The following MCF2L2 variants were observed in gnomAD, a reference collection of about 807,000 sequenced individuals.
The protein encoded by MCF2L2 is probable guanine nucleotide exchange factor MCF2L2.
MCF2L2 carries 102 observed loss-of-function variants against 150.2 expected under a neutral mutation model. The ratio of observed to expected loss-of-function variants is 0.68; its 90% CI spans 0.58 to 0.80. MCF2L2 has a LOEUF of 0.80. Ranked by LOEUF, MCF2L2 falls within the 30% of genes least tolerant of loss-of-function variation. MCF2L2 has a pLI of 0.00. For synonymous variants in MCF2L2, 465 were observed against 491.3 expected (o/e 0.95, Z 0.71); for missense variants, 1,256 against 1,372.8 (o/e 0.91, Z 1.34).
chr3:183,412,481 T>C (rs1715365113), intron 1 of MCF2L2, among the ~76,000 whole-genome samples: 1 of 152,122 alleles, frequency 6.6e-6, no homozygotes. Flanking sequence ...GTATTTTTAG[T>C]AGAGGCGGGG....
At chr3:183,278,283 T>TG (rs758601375) in intron 14 of MCF2L2, among the ~76,000 whole-genome samples, 17 of 138,528 alleles carry the variant, frequency 1.2e-4, no homozygotes, top group African/African-American at 4.9e-4. Flanking sequence ...AATGAAAAAA[T>TG]TGTGTGTGTG....
intron 14 of MCF2L2, among the ~76,000 whole-genome samples, chr3:183,278,983 T>A (rs187370848): frequency 6.6e-6 from 1 of 152,184 alleles, no homozygotes; most frequent in Non-Finnish European, 1.5e-5. Context: ...GCAAGTCTAA[T>A]GGAATATAAC....
chr3:183,207,836 C>T lies in MCF2L2; in HGVS notation c.2497-13G>A, dbSNP rs768048410. ...TTCCAATATCGTCCTTTTGGAAACA[C>T]ACATACAGGAAAAGAAGCTGTAAAA... On this transcript the variant is annotated splice_polypyrimidine_tract_variant and intron_variant, in intron 22 of 29. Transcript: ENST00000328913. The T allele has an allele frequency of 3.3e-5, 52 of 1,597,212 alleles. No individual in the cohort carries two copies. The highest frequency in any genetic ancestry group is 4.4e-5 in the Non-Finnish European group (51 of 1,166,868).
At position 183,216,553 on chromosome 3, in the gene MCF2L2, TA is replaced by T. The variant is rs1722927201; in HGVS notation, c.2371-460del. Among the ~76,000 whole-genome samples the T allele has an allele frequency of 3.9e-3, 14 of 3,590 alleles. 1 individual carries two copies. The highest frequency in any genetic ancestry group is 0.011 in the African/African-American group (14 of 1,286). The allele number at this position is 3,590 out of a possible 152,430, so 2.4% of individuals were successfully genotyped here. A position where few individuals can be genotyped will look rare whatever the true frequency, so the allele number is the denominator to read the frequency against. ...TTATATAAAATATAAGTATATATAT[TA>T]TATATATATATATATATATATATAT... is the stretch of plus-strand genomic sequence containing the variant. On this transcript the variant is annotated intron_variant, in intron 21 of 29. Transcript: ENST00000328913.
intron 10 of MCF2L2, among the ~76,000 whole-genome samples, chr3:183,303,854 CTCTTGAGCAATGCACACGG>C (rs1333457665): frequency 5.9e-5 from 9 of 152,168 alleles, no homozygotes. Context: ...CAAGCTTAAA[CTCTTGAGCAATGCACACGG>C]GGAATTTCAT....
chr3:183,299,469 C>T (rs1259623683), intron 11 of MCF2L2: 1 of 153,328 alleles, frequency 6.5e-6, no homozygotes, highest in Admixed American at 6.5e-5. Context: ...TCAGTTTCTG[C>T]CTCTGCACAA....
Position 183,179,319 on chromosome 3 carries a change from A to T in MCF2L2, c.*61T>A. The T allele has an allele frequency of 7.2e-7, 1 of 1,382,312 alleles. No individual in the cohort carries two copies. The highest frequency in any genetic ancestry group is 9.3e-7 in the Non-Finnish European group (1 of 1,072,448). The allele number at this position is 1,382,312 out of a possible 1,614,324, so 85.6% of individuals were successfully genotyped here. A position where few individuals can be genotyped will look rare whatever the true frequency, so the allele number is the denominator to read the frequency against. ...AGCTGGGCAGGGCCCGGGCCCCCACACCGCCTCTCCCGGGAATGCGGGCGC... is the reference window on the plus strand; with the variant it reads ...AGCTGGGCAGGGCCCGGGCCCCCACTCCGCCTCTCCCGGGAATGCGGGCGC... On this transcript the variant is annotated 3_prime_UTR_variant, in exon 30 of 30. Transcript: ENST00000328913. This position sits in a 1 kb window ranked among gnomAD's most constrained non-coding sequence, Gnocchi z 4.2.
intron 1 of MCF2L2, among the ~76,000 whole-genome samples, chr3:183,421,943 G>T (rs1031354633): frequency 2.6e-5 from 4 of 152,166 alleles, no homozygotes; most frequent in Non-Finnish European, 5.9e-5. Flanking sequence ...GGGTTTAACA[G>T]AGTTGTACTG....
chr3:183,196,194 ATAACACCT>A (rs1722077689), intron 25 of MCF2L2, among the ~76,000 whole-genome samples: 1 of 152,088 alleles, frequency 6.6e-6, no homozygotes, highest in Non-Finnish European at 1.5e-5. Flanking sequence ...AGCTGACTCC[ATAACACCT>A]GGATACAATG....
intron 3 of MCF2L2, chr3:183,377,059 T>A (rs997694769): frequency 6.6e-6 from 1 of 152,224 alleles, no homozygotes; most frequent in African/African-American, 2.4e-5. Flanking sequence ...AGTTTTGGGA[T>A]ACATGTACAG....
chr3:183,373,686 G>T (rs2089588), intron 3 of MCF2L2: 48,201 of 151,968 alleles, frequency 0.32, 11,722 homozygotes, highest in African/African-American at 0.68. Flanking sequence ...GTTTCACCCC[G>T]AGAAATCCTG....
chr3:183,428,042 G>T lies in MCF2L2; in HGVS notation c.-65C>A. On this transcript the variant is annotated 5_prime_UTR_variant, in exon 1 of 30. Transcript: ENST00000328913. The surrounding 1 kb of genome is among the most constrained non-coding windows in gnomAD (Gnocchi z 5.1). ...AACTGTTTCTACCGCTGCGGTGGAT[G>T]ATTTTTTAAAGGCATCTCCGCCCAA... 1 of 1,300,276 alleles carries T rather than the reference G, an allele frequency of 7.7e-7. No homozygotes were observed. Among genetic ancestry groups the T allele is most frequent in the Non-Finnish European group, 1.1e-6 (1 of 895,804 alleles). 80.5% of individuals were successfully genotyped at this position (1,300,276 alleles called of 1,614,324 possible).
intron 13 of MCF2L2, among the ~76,000 whole-genome samples, chr3:183,294,189 G>A (rs1728326614): frequency 6.6e-6 from 1 of 152,140 alleles, no homozygotes. Flanking sequence ...ATGGTAATCA[G>A]GACCATGTGG....
chr3:183,264,804 A>G (rs375946024), intron 15 of MCF2L2, among the ~76,000 whole-genome samples: 1 of 152,222 alleles, frequency 6.6e-6, no homozygotes, highest in African/African-American at 2.4e-5. Flanking sequence ...GTTTTTTCCC[A>G]AAAAGTTTAA....
chr3:183,331,279 T>C (rs1332246955), intron 5 of MCF2L2, among the ~76,000 whole-genome samples: 4 of 152,160 alleles, frequency 2.6e-5, no homozygotes, highest in Non-Finnish European at 4.4e-5. Flanking sequence ...TTCCTCTGCC[T>C]CCTTCTTCTG....
Position 183,219,869 on chromosome 3 carries a change from C to A in MCF2L2, c.2357G>T (p.Gly786Val). Residue 786 changes from glycine (G) to valine (V), a missense_variant, in exon 21 of 30, where the codon GGA (glycine) becomes GTA (valine). Gly to Val is a moderately radical substitution (Grantham distance 109, BLOSUM62 -3). Coordinates refer to ENST00000328913, the MANE Select transcript of MCF2L2 (RefSeq NM_015078.4). ...EDMEIDPGEL[G>V]GSAKDGPKRT... ...AATATTGAGTACCTTAGCCGAGCCT[C>A]CTAGTTCACCTGGGTCTATCTCCAT... The A allele has an allele frequency of 6.2e-7, 1 of 1,612,406 alleles. No homozygotes were observed. The highest frequency in any genetic ancestry group is 8.5e-7 in the Non-Finnish European group (1 of 1,178,548).
intron 25 of MCF2L2, among the ~76,000 whole-genome samples, chr3:183,201,989 G>A (rs1363772368): frequency 2.6e-5 from 4 of 152,134 alleles, no homozygotes; most frequent in Non-Finnish European, 4.4e-5. Context: ...TGACTAATGA[G>A]CTTTTTAACT....
chr3:183,330,273 A>G (rs1377644776), intron 5 of MCF2L2, among the ~76,000 whole-genome samples: 3 of 150,622 alleles, frequency 2.0e-5, no homozygotes, highest in Non-Finnish European at 4.4e-5. Flanking sequence ...AGAAGAAGAA[A>G]AAAAGGAAAG....
chr3:183,413,980 A>C (rs955331829), intron 1 of MCF2L2, among the ~76,000 whole-genome samples: 2 of 152,146 alleles, frequency 1.3e-5, no homozygotes, highest in African/African-American at 4.8e-5. Context: ...GTACAGTTCA[A>C]ACCTATGTTG....
Sources: allele counts gnomAD v4.1 joint callset (sites outside exome capture counted in the v4.1 genomes callset), GRCh38; gene constraint gnomAD v4.1.1; non-coding constraint Gnocchi (gnomAD v3.1); transcripts MANE v1.5; gene names NCBI Gene and HGNC (gene_info 2026-07-23, HGNC 2026-07-21).